Variants in MTMR14 observed in about 807,000 individuals in gnomAD.
MTMR14 encodes myotubularin related protein 14.
MTMR14 carries 48 observed loss-of-function variants against 86.3 expected under a neutral mutation model. That is an observed-to-expected ratio of 0.56 (90% CI 0.44 to 0.71). The LOEUF (loss-of-function observed/expected upper bound fraction) is 0.71. Ranked by LOEUF, MTMR14 falls within the 30% of genes least tolerant of loss-of-function variation. The probability of loss-of-function intolerance (pLI) is 0.00; values close to 1 mark genes in which losing one functional copy is unlikely to be tolerated. For synonymous variants in MTMR14, 366 were observed against 326.1 expected (o/e 1.12, Z -1.32); for missense variants, 780 against 834.6 (o/e 0.93, Z 0.81).
intron 16 of MTMR14, among the ~76,000 whole-genome samples, chr3:9,689,309 G>A (rs1352241850): frequency 1.3e-5 from 2 of 152,356 alleles, no homozygotes; most frequent in East Asian, 3.9e-4. Flanking sequence ...GGCTCCCTGT[G>A]GGACAGAGAA....
chr3:9,658,886 C>T (rs1224400458), intron 2 of MTMR14, among the ~76,000 whole-genome samples: 1 of 152,184 alleles, frequency 6.6e-6, no homozygotes, highest in Non-Finnish European at 1.5e-5. Context: ...ACAGCATTTT[C>T]TTCTGTATTT....
At position 9,677,405 on chromosome 3, in the gene MTMR14, C is replaced by T. The variant is rs2075618964; in HGVS notation, c.822+18C>T. On this transcript the variant is annotated intron_variant, in intron 8 of 18. Coordinates refer to ENST00000296003, the MANE Select transcript of MTMR14 (RefSeq NM_001077525.3). This position sits in a 1 kb window ranked among gnomAD's most constrained non-coding sequence, Gnocchi z 4.2. ...GGAAGCAGGTATGAGCAATAACATA[C>T]ATCAAATTGGATCTATGTCTCTTTG... is the stretch of plus-strand genomic sequence containing the variant. 1 of 1,604,248 alleles carries T rather than the reference C, an allele frequency of 6.2e-7. No individual in the cohort carries two copies. Among genetic ancestry groups the T allele is most frequent in the African/African-American group, 1.3e-5 (1 of 74,826 alleles).
intron 3 of MTMR14, among the ~76,000 whole-genome samples, chr3:9,664,623 T>C (rs2048146194): frequency 6.6e-6 from 1 of 152,118 alleles, no homozygotes; most frequent in Non-Finnish European, 1.5e-5. Flanking sequence ...TGGAGGTCAT[T>C]ATGTTAAGTG....
chr3:9,678,876 A>T lies in MTMR14; in HGVS notation c.897+818A>T, dbSNP rs2075668149. ...GAAATCCTGGAGGACAGGGACCCACAGCTTGTGTGTCCCAGCACAGAAACA... is the reference window on the plus strand; with the variant it reads ...GAAATCCTGGAGGACAGGGACCCACTGCTTGTGTGTCCCAGCACAGAAACA... On this transcript the variant is annotated intron_variant, in intron 9 of 18. Transcript: ENST00000296003. Among the ~76,000 whole-genome samples the T allele has an allele frequency of 2.0e-5, 3 of 152,206 alleles. No homozygotes were observed. The South Asian group carries it at 6.2e-4, about 31-fold the overall frequency.
chr3:9,690,207 G>C, intron 17 of MTMR14, 64 bp downstream of exon 17: 3 of 1,574,672 alleles, frequency 1.9e-6, no homozygotes, highest in Non-Finnish European at 2.6e-6. Flanking sequence ...AAGACTGGAG[G>C]GTCGGGGGCC....
At chr3:9,685,955 C>T (rs963924286) in intron 13 of MTMR14, among the ~76,000 whole-genome samples, 4 of 152,124 alleles carry the variant, frequency 2.6e-5, no homozygotes, top group South Asian at 2.1e-4. Context: ...TGGTGTCAAG[C>T]GTGAGAGAAT....
At chr3:9,661,679 T>G (rs924067521) in intron 2 of MTMR14, among the ~76,000 whole-genome samples, 2 of 152,228 alleles carry the variant, frequency 1.3e-5, no homozygotes, top group African/African-American at 2.4e-5. Context: ...ATATCCAGTT[T>G]TCTGTGTATA....
At position 9,658,620 on chromosome 3, in the gene MTMR14, G is replaced by C. The variant is rs181394811; in HGVS notation, c.309-3647G>C. ...GCTACCCACAGGGTTTAGAATCTCAGCTACCCTGTTTACCTGTTCTGTGAC... is the reference window on the plus strand; with the variant it reads ...GCTACCCACAGGGTTTAGAATCTCACCTACCCTGTTTACCTGTTCTGTGAC... On this transcript the variant is annotated intron_variant, in intron 2 of 18. Coordinates refer to ENST00000296003, the MANE Select transcript of MTMR14 (RefSeq NM_001077525.3). Among the ~76,000 whole-genome samples the C allele has an allele frequency of 6.5e-4, 99 of 152,242 alleles. 1 individual carries two copies. The highest frequency in any genetic ancestry group is 1.9e-4 in the Non-Finnish European group (13 of 68,044).
At chr3:9,657,375 G>A (rs3868891) in intron 2 of MTMR14, among the ~76,000 whole-genome samples, 2 of 152,012 alleles carry the variant, frequency 1.3e-5, no homozygotes, top group Non-Finnish European at 2.9e-5. Context: ...ATTGAGAAAC[G>A]TAGTGGTGGT....
intron 3 of MTMR14, among the ~76,000 whole-genome samples, chr3:9,663,809 G>A (rs563999100): frequency 2.8e-4 from 42 of 150,662 alleles, no homozygotes; most frequent in African/African-American, 8.8e-4. Context: ...CACCGCGCAC[G>A]GCCTGGAGTC....
intron 2 of MTMR14, among the ~76,000 whole-genome samples, chr3:9,655,988 A>T (rs1222502172): frequency 6.6e-6 from 1 of 151,942 alleles, no homozygotes; most frequent in Non-Finnish European, 1.5e-5. Flanking sequence ...TGAGGTCAGG[A>T]GATTGAGACC....
chr3:9,696,955 G>C (rs2076299673), intron 17 of MTMR14, among the ~76,000 whole-genome samples: 1 of 152,122 alleles, frequency 6.6e-6, no homozygotes, highest in African/African-American at 2.4e-5. Flanking sequence ...ACAGAAGAGG[G>C]GGGTTGGCTG....
At position 9,672,994 on chromosome 3, in the gene MTMR14, G is replaced by A. The variant is rs566984259; in HGVS notation, c.751+236G>A. On this transcript the variant is annotated intron_variant, in intron 7 of 18. Transcript: ENST00000296003. ...GGATTTTGTACTGTCACTGGTCCTA[G>A]CCACAGCCTTGAGTGAAGTACTTCA... Among the ~76,000 whole-genome samples the A allele has an allele frequency of 3.9e-5, 6 of 152,312 alleles. No individual in the cohort carries two copies. The South Asian group carries it at 8.3e-4, about 21-fold the overall frequency.
rs1164887554 is a variant in MTMR14, at chr3:9,701,936, G to T, written c.1916G>T (p.Gly639Val). ...GGCCTGCTGGAGCAATTTGCCCGTG[G>T]TGTTGGACTCCGGAGCATCAGCAGC... ...IGGLLEQFAR[G>V]VGLRSISSNA... Residue 639 changes from glycine (G) to valine (V), a missense_variant, in exon 19 of 19, where the codon GGT becomes GTT. Transcript: ENST00000296003. The surrounding 1 kb of genome is among the most constrained non-coding windows in gnomAD (Gnocchi z 4.2). 6.2e-7 allele frequency: 1 copy of T among 1,614,086 alleles called. No individual in the cohort carries two copies. The highest frequency in any genetic ancestry group is 8.5e-7 in the Non-Finnish European group (1 of 1,180,048).
intron 6 of MTMR14, among the ~76,000 whole-genome samples, chr3:9,672,389 G>C (rs997462397): frequency 6.6e-6 from 1 of 152,162 alleles, no homozygotes; most frequent in South Asian, 2.1e-4. Context: ...ACAGGAGCGC[G>C]CTGCCACACC....
At chr3:9,687,690 G>A (rs1263464427) in intron 13 of MTMR14, 131 bp from the exon 14 acceptor site, 1 of 746,668 alleles carries the variant, frequency 1.3e-6, no homozygotes, top group Non-Finnish European at 2.3e-6. Flanking sequence ...TTATGGACCA[G>A]AACACCCACA....
intron 5 of MTMR14, 134 bp from the exon 6 acceptor site, chr3:9,670,914 C>T (rs1444035915): frequency 6.3e-6 from 7 of 1,115,436 alleles, no homozygotes; most frequent in Non-Finnish European, 9.6e-6. Context: ...CTGTTTGGCA[C>T]CCATGCGTCC....
intron 1 of MTMR14, chr3:9,650,291 C>G (rs752994079): frequency 1.8e-5 from 8 of 456,422 alleles, no homozygotes; most frequent in Non-Finnish European, 3.5e-5. Flanking sequence ...AGCAGGTCTC[C>G]GTTCCTCTTT....
intron 13 of MTMR14, among the ~76,000 whole-genome samples, chr3:9,687,287 G>A (rs1289990232): frequency 6.6e-6 from 1 of 152,168 alleles, no homozygotes; most frequent in Non-Finnish European, 1.5e-5. Flanking sequence ...TGGGCACGGT[G>A]GTTGACGCCT....
Sources: allele counts gnomAD v4.1 joint callset (sites outside exome capture counted in the v4.1 genomes callset), GRCh38; gene constraint gnomAD v4.1.1; non-coding constraint Gnocchi (gnomAD v3.1); transcripts MANE v1.5; gene names NCBI Gene and HGNC (gene_info 2026-07-23, HGNC 2026-07-21).